The following NSD2 variants were observed in gnomAD, a reference collection of about 807,000 sequenced individuals.
The protein encoded by NSD2 is histone-lysine N-methyltransferase NSD2.
A neutral mutation model predicts 139.0 loss-of-function variants in NSD2; 12 were observed. That is an observed-to-expected ratio of 0.09 (90% CI 0.06 to 0.14). The LOEUF (loss-of-function observed/expected upper bound fraction) is 0.14, where lower values mean the gene tolerates loss of function less well. NSD2 is among the 10% of genes least tolerant of loss of function. The probability of loss-of-function intolerance (pLI) is 1.00; values close to 1 mark genes in which losing one functional copy is unlikely to be tolerated. For synonymous variants in NSD2, 669 were observed against 648.7 expected, an observed-to-expected ratio of 1.03 and a Z score of -0.48; for missense variants, 1,155 against 1,745.0, an observed-to-expected ratio of 0.66 and a Z score of 6.02.
At chr4:1,935,541 T>C (rs1435547950) in intron 7 of NSD2, among the ~76,000 whole-genome samples, 2 of 152,218 alleles carry the variant, frequency 1.3e-5, no homozygotes, top group Non-Finnish European at 2.9e-5. Context: ...ACTTGTTTTT[T>C]AGATTGGACA....
chr4:1,878,656 C>T (rs1714482367), intron 1 of NSD2, among the ~76,000 whole-genome samples: 1 of 152,084 alleles, frequency 6.6e-6, no homozygotes, highest in South Asian at 2.1e-4. Context: ...CTTCGTATGC[C>T]TTAGGGGGCA....
chr4:1,961,456 T>C (rs1725360486), intron 18 of NSD2, among the ~76,000 whole-genome samples: 1 of 152,220 alleles, frequency 6.6e-6, no homozygotes, highest in African/African-American at 2.4e-5. Context: ...TGAGGAAGTC[T>C]CAGCATCTTC....
At position 1,945,987 on chromosome 4, in the gene NSD2, C is replaced by T. The variant is rs546632829; in HGVS notation, c.1882-5085C>T. The T allele has an allele frequency of 1.7e-5, 18 of 1,048,104 alleles. No individual in the cohort carries two copies. In the East Asian group the frequency reaches 3.3e-4, roughly 19 times the overall value. The allele number at this position is 1,048,104 out of a possible 1,614,324, so 64.9% of individuals were successfully genotyped here. On this transcript the variant is annotated intron_variant, in intron 9 of 21. Coordinates refer to ENST00000508803, the MANE Select transcript of NSD2 (RefSeq NM_001042424.3). ...CTCTGGCCAGGTAGACTTTTGTATACAGACCAGGTGAGAGCCCTTTTGCCT... is the reference window on the plus strand; with the variant it reads ...CTCTGGCCAGGTAGACTTTTGTATATAGACCAGGTGAGAGCCCTTTTGCCT...
chr4:1,891,397 G>A (rs1248108937), intron 1 of NSD2, among the ~76,000 whole-genome samples: 1 of 152,180 alleles, frequency 6.6e-6, no homozygotes, highest in Non-Finnish European at 1.5e-5. Context: ...TCCGTCTCAC[G>A]GCCTGGCTCT....
At chr4:1,894,715 C>T (rs370675289) in intron 1 of NSD2, among the ~76,000 whole-genome samples, 2 of 151,920 alleles carry the variant, frequency 1.3e-5, no homozygotes, top group African/African-American at 4.8e-5. Context: ...TTGTCTTTCC[C>T]TCATCCTCCC....
chr4:1,976,422 G>C lies in NSD2; in HGVS notation c.3622-53G>C. On this transcript the variant is annotated intron_variant, in intron 20 of 21. Coordinates refer to ENST00000508803, the MANE Select transcript of NSD2 (RefSeq NM_001042424.3). The surrounding 1 kb of genome is among the most constrained non-coding windows in gnomAD (Gnocchi z 5.3). ...TGTAGCTCGCTCTTCTGCCCTATTT[G>C]CTTCAGCCTGTGTAATTCTTTCCGG... The C allele has an allele frequency of 3.8e-6, 6 of 1,576,962 alleles. No individual in the cohort carries two copies. The highest frequency in any genetic ancestry group is 5.2e-6 in the Non-Finnish European group (6 of 1,158,890).
chr4:1,917,257 G>A lies in NSD2; in HGVS notation c.927+220G>A, dbSNP rs78128368. Among the ~76,000 whole-genome samples the A allele has an allele frequency of 9.2e-5, 14 of 152,076 alleles. No individual in the cohort carries two copies. In the East Asian group the frequency reaches 2.7e-3, roughly 29 times the overall value. Reference sequence around the variant, plus strand: ...TTTTGCTCATTTGATGACTCTCAGAGATAACTTGTTTTAGAATTTATATAT... The same window carrying A: ...TTTTGCTCATTTGATGACTCTCAGAAATAACTTGTTTTAGAATTTATATAT... On this transcript the variant is annotated intron_variant, in intron 4 of 21. Coordinates refer to ENST00000508803, the MANE Select transcript of NSD2 (RefSeq NM_001042424.3).
At chr4:1,975,451 A>C in intron 20 of NSD2, 51 bp downstream of exon 20, 1 of 1,529,696 alleles carries the variant, frequency 6.5e-7, no homozygotes, top group Non-Finnish European at 9.0e-7. Flanking sequence ...GGCATTTTGC[A>C]CTCCTGGAGA....
rs985740233 is a variant in NSD2, at chr4:1,935,963, T to C, written c.1674+701T>C. 3.9e-5 allele frequency among the ~76,000 whole-genome samples: 6 copies of C among 152,354 alleles called. No individual in the cohort carries two copies. The South Asian group carries it at 6.2e-4, about 16-fold the overall frequency. ...CTGGCATCAAAGTCCATTAGAGATA[T>C]GTGTTACATGTCAATAAAAAGTCAA... On this transcript the variant is annotated intron_variant, in intron 7 of 21. Coordinates refer to ENST00000508803, the MANE Select transcript of NSD2 (RefSeq NM_001042424.3).
Position 1,982,160 on chromosome 4 carries a change from T to TGA in NSD2, c.*3253_*3254dup. 1 of 388,456 alleles carries TGA rather than the reference T, an allele frequency of 2.6e-6. No individual in the cohort carries two copies. The highest frequency in any genetic ancestry group is 1.4e-4 in the South Asian group (1 of 6,920). The allele number at this position is 388,456 out of a possible 1,614,324, so 24.1% of individuals were successfully genotyped here. On this transcript the variant is annotated 3_prime_UTR_variant, in exon 22 of 22. Transcript: ENST00000508803. ...AAAGCTGTGTTTGGAAAATTGTGTA[T>TGA]GAGTATTTTTGTATTAAAAACATTT...
intron 3 of NSD2, among the ~76,000 whole-genome samples, chr4:1,916,344 T>TC (rs1188622267): frequency 2.0e-5 from 3 of 152,150 alleles, no homozygotes; most frequent in African/African-American, 7.2e-5. Context: ...TTCTTTTTTT[T>TC]CCTTTCTTTT....
intron 18 of NSD2, among the ~76,000 whole-genome samples, chr4:1,965,605 C>T (rs769003652): frequency 6.6e-6 from 1 of 152,194 alleles, no homozygotes; most frequent in African/African-American, 2.4e-5. Flanking sequence ...TCATTACATG[C>T]AAGGTGTATT....
At position 1,942,132 on chromosome 4, in the gene NSD2, A is replaced by G; in HGVS notation, c.1881+2354A>G. ...CATGTTGTAGTTTAAATTCTTCTTG[A>G]AAAAGGTATATGTGATAAATAAAAA... On this transcript the variant is annotated intron_variant, in intron 9 of 21. Coordinates refer to ENST00000508803, the MANE Select transcript of NSD2 (RefSeq NM_001042424.3). This position sits in a 1 kb window ranked among gnomAD's most constrained non-coding sequence, Gnocchi z 4.0. 7.9e-7 allele frequency: 1 copy of G among 1,273,204 alleles called. No individual in the cohort carries two copies. Among genetic ancestry groups the G allele is most frequent in the African/African-American group, 1.5e-5 (1 of 66,480 alleles). 78.9% of individuals were successfully genotyped at this position (1,273,204 alleles called of 1,614,324 possible). A position where few individuals can be genotyped will look rare whatever the true frequency, so the allele number is the denominator to read the frequency against.
intron 18 of NSD2, among the ~76,000 whole-genome samples, chr4:1,968,076 AG>A (rs1273929648): frequency 1.3e-5 from 2 of 152,230 alleles, no homozygotes; most frequent in African/African-American, 4.8e-5. Context: ...ATTACACACC[AG>A]GGAAAATAAC....
chr4:1,894,250 C>G (rs568796890), intron 1 of NSD2, among the ~76,000 whole-genome samples: 1 of 152,298 alleles, frequency 6.6e-6, no homozygotes, highest in African/African-American at 2.4e-5. Flanking sequence ...AGCCACCACG[C>G]CTGGTGAAGA....
Position 1,964,623 on chromosome 4 carries a change from GTGCGC to G in NSD2, c.3372+3481_3372+3485del, listed in dbSNP as rs556737910. 4.2e-3 allele frequency among the ~76,000 whole-genome samples: 644 copies of G among 152,122 alleles called. 2 individuals carry two copies. Among genetic ancestry groups the G allele is most frequent in the Non-Finnish European group, 7.5e-3 (508 of 68,012 alleles). ...TGATCACAGAGGTGCAGACAAAGAG[GTGCGC>G]TGCGCTGCCGTTGTTATCACACCTC... On this transcript the variant is annotated intron_variant, in intron 18 of 21. Transcript: ENST00000508803.
intron 1 of NSD2, among the ~76,000 whole-genome samples, chr4:1,878,914 G>T (rs1379599024): frequency 6.6e-6 from 1 of 152,212 alleles, no homozygotes; most frequent in Non-Finnish European, 1.5e-5. Context: ...TGAGAGTGGT[G>T]CAGGAGAGGG....
At position 1,980,405 on chromosome 4, in the gene NSD2, T is replaced by G. The variant is rs1416582725; in HGVS notation, c.*1496T>G. 1 of 233,058 alleles carries G rather than the reference T, an allele frequency of 4.3e-6. No individual in the cohort carries two copies. Among genetic ancestry groups the G allele is most frequent in the Non-Finnish European group, 8.5e-6 (1 of 117,990 alleles). The allele number at this position is 233,058 out of a possible 1,614,324, so 14.4% of individuals were successfully genotyped here. On this transcript the variant is annotated 3_prime_UTR_variant, in exon 22 of 22. Transcript: ENST00000508803. ...GGAGAGAACATTCAGCAGCAGGTGC[T>G]TTTTTATGGCCTTTTCTTAAAATAA...
intron 5 of NSD2, among the ~76,000 whole-genome samples, chr4:1,929,954 G>A (rs1162743835): frequency 1.3e-5 from 2 of 152,180 alleles, no homozygotes; most frequent in African/African-American, 4.8e-5. Flanking sequence ...CGGTGTGTCT[G>A]CGGATCATCC....
Sources: allele counts gnomAD v4.1 joint callset (sites outside exome capture counted in the v4.1 genomes callset), GRCh38; gene constraint gnomAD v4.1.1; non-coding constraint Gnocchi (gnomAD v3.1); transcripts MANE v1.5; gene names NCBI Gene and HGNC (gene_info 2026-07-23, HGNC 2026-07-21).